Variants in RALGAPA1 observed in about 807,000 individuals in gnomAD.
RALGAPA1 encodes the protein Ral GTPase activating protein catalytic subunit alpha 1, also known as ral GTPase-activating protein subunit alpha-1.
RALGAPA1 carries 52 observed loss-of-function variants against 269.6 expected under a neutral mutation model. The ratio of observed to expected loss-of-function variants is 0.19; its 90% confidence interval spans 0.15 to 0.24. The LOEUF is 0.24. Ranked by LOEUF, RALGAPA1 falls within the 10% of genes least tolerant of loss-of-function variation. The pLI is 1.00. For synonymous variants in RALGAPA1, 817 were observed against 1,008.3 expected, an observed-to-expected ratio of 0.81 and a Z score of 3.60; for missense variants, 1,917 against 3,013.9, an observed-to-expected ratio of 0.64 and a Z score of 8.52.
intron 12 of RALGAPA1, 32 bp downstream of exon 12, chr14:35,738,481 T>C: frequency 6.6e-7 from 1 of 1,507,616 alleles, no homozygotes; most frequent in Admixed American, 2.3e-5. Flanking sequence ...AATGATTATT[T>C]TATTTTTAAA....
rs1595198367 is a variant in RALGAPA1 at position 35,700,019 on chromosome 14, T to C, written c.2407+143A>G. 6 of 688,774 alleles carry C rather than the reference T, an allele frequency of 8.7e-6. No homozygotes were observed. The East Asian group carries it at 1.8e-4, about 20-fold the overall frequency. 42.7% of individuals were successfully genotyped at this position (688,774 alleles called of 1,614,324 possible). ...ATTAGAGTTCAAATAACTCAAAATG[T>C]TGATTTCTCAATCACTTTCCCACTT... On this transcript the variant is annotated intron_variant, in intron 17 of 41. Transcript: ENST00000680220.
chr14:35,581,588 C>A (rs1281749035), intron 37 of RALGAPA1, among the ~76,000 whole-genome samples: 1 of 152,018 alleles, frequency 6.6e-6, no homozygotes, highest in African/African-American at 2.4e-5. Context: ...TAAGACATTT[C>A]TCCAAAGAGT....
At chr14:35,682,273 C>T (rs1052112357) in intron 21 of RALGAPA1, among the ~76,000 whole-genome samples, 5 of 151,730 alleles carry the variant, frequency 3.3e-5, no homozygotes, top group African/African-American at 1.2e-4. Flanking sequence ...TTGCTCCACA[C>T]TCATTTCAAC....
At chr14:35,725,814 T>C (rs1274394096) in intron 13 of RALGAPA1, among the ~76,000 whole-genome samples, 1 of 152,180 alleles carries the variant, frequency 6.6e-6, no homozygotes, top group East Asian at 1.9e-4. Flanking sequence ...TGCAGTGAGC[T>C]TGATAATTAA....
chr14:35,800,986 C>T (rs969181168), intron 1 of RALGAPA1, among the ~76,000 whole-genome samples: 14 of 150,506 alleles, frequency 9.3e-5, no homozygotes, highest in Non-Finnish European at 1.6e-4. Context: ...GCCTGGGCGA[C>T]GAGCGAAACT....
chr14:35,787,734 C>G (rs1314592661), intron 1 of RALGAPA1, among the ~76,000 whole-genome samples: 1 of 151,158 alleles, frequency 6.6e-6, no homozygotes, highest in Non-Finnish European at 1.5e-5. Flanking sequence ...TGTCACCACA[C>G]CCAGCTAATT....
At chr14:35,711,504 G>A (rs144414964) in intron 16 of RALGAPA1, among the ~76,000 whole-genome samples, 1 of 152,162 alleles carries the variant, frequency 6.6e-6, no homozygotes, top group Non-Finnish European at 1.5e-5. Context: ...TGGGAGTGCG[G>A]TGGCATAATC....
chr14:35,808,224 C>T (rs2141998466), intron 1 of RALGAPA1, among the ~76,000 whole-genome samples: 1 of 152,256 alleles, frequency 6.6e-6, no homozygotes, highest in East Asian at 1.9e-4. Context: ...GAACAAGGTG[C>T]ATTAACAAAA....
intron 12 of RALGAPA1, among the ~76,000 whole-genome samples, 183 bp downstream of exon 12, chr14:35,738,330 G>A (rs1168672146): frequency 1.3e-5 from 2 of 151,326 alleles, no homozygotes; most frequent in Non-Finnish European, 2.9e-5. Flanking sequence ...AAATTATCTA[G>A]AATAATATGT....
intron 16 of RALGAPA1, among the ~76,000 whole-genome samples, chr14:35,721,234 G>A (rs1260622054): frequency 6.6e-6 from 1 of 152,090 alleles, no homozygotes; most frequent in African/African-American, 2.4e-5. Context: ...ACTCCATGTT[G>A]GCCTTAGCTG....
At chr14:35,573,285 A>G (rs1469519883) in intron 37 of RALGAPA1, among the ~76,000 whole-genome samples, 2 of 152,206 alleles carry the variant, frequency 1.3e-5, no homozygotes, top group Admixed American at 1.3e-4. Context: ...AACACAAAAC[A>G]TTCAGAAGTT....
chr14:35,770,004 T>C (rs566196553), intron 4 of RALGAPA1, among the ~76,000 whole-genome samples: 15 of 152,210 alleles, frequency 9.9e-5, no homozygotes, highest in African/African-American at 3.6e-4. Flanking sequence ...CAATACAATA[T>C]TCCTCATAAA....
chr14:35,637,416 G>GC (rs1158308619), intron 31 of RALGAPA1, among the ~76,000 whole-genome samples: 1 of 152,164 alleles, frequency 6.6e-6, no homozygotes, highest in Non-Finnish European at 1.5e-5. Context: ...GCTGAAAAAT[G>GC]CAACTAGTGT....
intron 39 of RALGAPA1, among the ~76,000 whole-genome samples, chr14:35,553,957 G>A (rs2055279480): frequency 6.6e-6 from 1 of 152,092 alleles, no homozygotes; most frequent in Non-Finnish European, 1.5e-5. Context: ...TATTTCTATG[G>A]CTTCTTTGCA....
rs563956283 is a variant in RALGAPA1, at chr14:35,640,812, T to C, written c.5677-5214A>G. 6.1e-4 allele frequency among the ~76,000 whole-genome samples: 93 copies of C among 152,252 alleles called. 1 individual carries two copies. Among genetic ancestry groups the C allele is most frequent in the African/African-American group, 2.0e-3 (84 of 41,544 alleles). ...TACAGGCCAATATTCCTGATGAACATTGATGCAAAAATCCTCGACAAAATA... is the reference window on the plus strand; with the variant it reads ...TACAGGCCAATATTCCTGATGAACACTGATGCAAAAATCCTCGACAAAATA... On this transcript the variant is annotated intron_variant, in intron 31 of 41. Transcript: ENST00000680220.
intron 39 of RALGAPA1, among the ~76,000 whole-genome samples, chr14:35,559,840 A>G (rs1419540720): frequency 6.6e-6 from 1 of 152,266 alleles, no homozygotes; most frequent in Non-Finnish European, 1.5e-5. Flanking sequence ...ATAATTGTAT[A>G]AAAGTATCTC....
intron 39 of RALGAPA1, among the ~76,000 whole-genome samples, chr14:35,559,430 T>C (rs1371357698): frequency 1.3e-5 from 2 of 152,046 alleles, no homozygotes; most frequent in African/African-American, 4.8e-5. Context: ...GTAGGTGTGG[T>C]GAACAATAAT....
At chr14:35,645,895 G>C (rs1263838404) in intron 31 of RALGAPA1, among the ~76,000 whole-genome samples, 2 of 152,090 alleles carry the variant, frequency 1.3e-5, no homozygotes, top group Non-Finnish European at 2.9e-5. Context: ...GGAAAATTGT[G>C]TGCTGACAGA....
chr14:35,765,902 T>C (rs991076067), intron 4 of RALGAPA1: 1 of 1,078,374 alleles, frequency 9.3e-7, no homozygotes, highest in Admixed American at 1.9e-5. Context: ...CAAATTTAGA[T>C]GAGTTTGCTA....
Sources: gnomAD v4.1 joint callset for allele counts (sites outside exome capture counted in the v4.1 genomes callset) on GRCh38, gnomAD v4.1.1 for gene constraint, MANE v1.5 for transcripts, NCBI Gene and HGNC (gene_info 2026-07-23, HGNC 2026-07-21) for gene names.